SLC36A1: variants seen among roughly 807,000 people sequenced by gnomAD.
SLC36A1 encodes the protein solute carrier family 36 member 1, also known as proton-coupled amino acid transporter 1.
In SLC36A1, 30 loss-of-function variants were observed where a neutral mutation model predicts 47.5. That is an observed-to-expected ratio of 0.63 (90% CI 0.47 to 0.86). The LOEUF (loss-of-function observed/expected upper bound fraction) is 0.86. SLC36A1 is among the 40% of genes least tolerant of loss of function. The pLI is 0.00. For missense variants in SLC36A1, 517 were observed against 606.0 expected (o/e 0.85, Z 1.54); for synonymous variants, 255 against 249.7 (o/e 1.02, Z -0.20).
At chr5:151,544,206 G>C in the SLC36A1 span, 1 of 1,614,210 alleles carries the variant, frequency 6.2e-7, no homozygotes, top group Admixed American at 1.7e-5. Flanking sequence ...TCTGATAAGA[G>C]ACGTCACGGT....
chr5:151,450,117 T>C (rs1466843791), intron 1 of SLC36A1, among the ~76,000 whole-genome samples: 115 of 126,888 alleles, frequency 9.1e-4, no homozygotes, highest in Middle Eastern at 6.4e-3. Context: ...TGTCCACTTA[T>C]TAGCATGTGG....
At chr5:151,455,904 A>G (rs1412762267) in intron 1 of SLC36A1, among the ~76,000 whole-genome samples, 6 of 152,222 alleles carry the variant, frequency 3.9e-5, no homozygotes, top group African/African-American at 9.7e-5. Flanking sequence ...GTTGGACTAT[A>G]GGGTATGAGT....
chr5:151,507,772 T>G, the SLC36A1 span, among the ~76,000 whole-genome samples: 2 of 151,994 alleles, frequency 1.3e-5, no homozygotes, highest in South Asian at 4.2e-4. Context: ...ACATCAGAAC[T>G]TTCCACCTTC....
chr5:151,458,567 T>C (rs1215566873), intron 1 of SLC36A1, among the ~76,000 whole-genome samples: 1 of 151,982 alleles, frequency 6.6e-6, no homozygotes, highest in Non-Finnish European at 1.5e-5. Context: ...CGTATACCAA[T>C]GGGAAGGATG....
chr5:151,467,880 C>T lies in SLC36A1; in HGVS notation c.678C>T (p.Ile226=). 1 of 1,613,938 alleles carries T rather than the reference C, an allele frequency of 6.2e-7. No individual in the cohort carries two copies. Among genetic ancestry groups the T allele is most frequent in the Non-Finnish European group, 8.5e-7 (1 of 1,180,000 alleles). The change falls in exon 7 of 11, where the codon ATC becomes ATT. Residue 226 remains isoleucine (I), a synonymous_variant. Transcript: ENST00000243389. The stretch of plus-strand genomic sequence containing the variant: ...CCATCTTCTCCCTGTTGGCCAACAT[C>T]ACCATGCTGGTCAGCTTGGTCATGA... The part of the protein sequence containing the change: ...ALSIFSLLAN[I]TMLVSLVMIY...
At chr5:151,398,111 T>C in the SLC36A1 span, among the ~76,000 whole-genome samples, 1 of 152,148 alleles carries the variant, frequency 6.6e-6, no homozygotes, top group Non-Finnish European at 1.5e-5. Flanking sequence ...GAGTGAGACC[T>C]GTCTCAAAAG....
At chr5:151,473,648 C>T in intron 7 of SLC36A1, 25 bp from the exon 8 acceptor site, 2 of 1,475,022 alleles carry the variant, frequency 1.4e-6, no homozygotes, top group African/African-American at 2.8e-5. Flanking sequence ...CTTTGTTTTG[C>T]TTTGTTTTGC....
the SLC36A1 span, among the ~76,000 whole-genome samples, chr5:151,365,273 A>C: frequency 6.6e-6 from 1 of 152,214 alleles, no homozygotes; most frequent in Non-Finnish European, 1.5e-5. Flanking sequence ...ACCTCTGCTC[A>C]GTGCTCTTCC....
the SLC36A1 span, chr5:151,551,454 C>T: frequency 1.6e-5 from 26 of 1,613,204 alleles, no homozygotes; most frequent in African/African-American, 2.7e-5. Context: ...GGTCCCCAGC[C>T]GAGGCCTCTA....
chr5:151,521,471 T>A, the SLC36A1 span: 1 of 1,614,098 alleles, frequency 6.2e-7, no homozygotes. Context: ...TCCATCTCCT[T>A]GGCTGAGTGA....
the SLC36A1 span, chr5:151,545,481 G>C: frequency 1.9e-3 from 2,989 of 1,614,140 alleles, 42 homozygotes; most frequent in African/African-American, 0.035. Context: ...GGATAGGCCC[G>C]ACTATTGCTA....
At chr5:151,522,986 A>G in the SLC36A1 span, among the ~76,000 whole-genome samples, 2 of 152,190 alleles carry the variant, frequency 1.3e-5, no homozygotes, top group Non-Finnish European at 2.9e-5. Flanking sequence ...GTTTCACCAC[A>G]CATCCCTGCA....
the SLC36A1 span, chr5:151,521,391 A>T: frequency 6.2e-7 from 1 of 1,614,116 alleles, no homozygotes; most frequent in Non-Finnish European, 8.5e-7. Flanking sequence ...GGCAGATTTG[A>T]CCCTGGCAGG....
At chr5:151,510,981 T>C in the SLC36A1 span, 1 of 152,352 alleles carries the variant, frequency 6.6e-6, no homozygotes, top group Non-Finnish European at 1.5e-5. Flanking sequence ...GACTCTATCC[T>C]AGCAGCATGG....
chr5:151,456,875 C>T (rs749928034), intron 1 of SLC36A1, among the ~76,000 whole-genome samples: 86 of 152,140 alleles, frequency 5.7e-4, no homozygotes, highest in Non-Finnish European at 9.9e-4. Context: ...GAGCCTTCGG[C>T]GGAGCACCAT....
At chr5:151,383,054 G>A in the SLC36A1 span, among the ~76,000 whole-genome samples, 4 of 152,120 alleles carry the variant, frequency 2.6e-5, no homozygotes, top group Non-Finnish European at 5.9e-5. Context: ...GTGAGCCACC[G>A]CACCCGGCCC....
At chr5:151,551,978 T>G in the SLC36A1 span, among the ~76,000 whole-genome samples, 101 of 136,356 alleles carry the variant, frequency 7.4e-4, 1 homozygote, top group African/African-American at 1.2e-3. Context: ...ACCCTAAGGG[T>G]GTGTGTGTGT....
the SLC36A1 span, chr5:151,534,648 C>T: frequency 1.4e-4 from 229 of 1,600,388 alleles, no homozygotes; most frequent in Admixed American, 5.7e-4. Context: ...CTCCCCTGGT[C>T]GGAGAAATGA....
chr5:151,354,627 C>T, the SLC36A1 span, among the ~76,000 whole-genome samples: 2,490 of 152,248 alleles, frequency 0.016, 56 homozygotes, highest in African/African-American at 0.056. Context: ...TGTCCCTCAG[C>T]GGGGTTAGGG....
Sources: allele counts gnomAD v4.1 joint callset (sites outside exome capture counted in the v4.1 genomes callset), GRCh38; gene constraint gnomAD v4.1.1; transcripts MANE v1.5; gene names NCBI Gene and HGNC (gene_info 2026-07-23, HGNC 2026-07-21).